CCDC7: variants seen among roughly 807,000 people sequenced by gnomAD.
The protein encoded by CCDC7 is coiled-coil domain containing 7.
A neutral mutation model predicts 196.9 loss-of-function variants in CCDC7; 183 were observed. The observed-to-expected ratio is 0.93, with a 90% CI of 0.82 to 1.05. CCDC7 has a LOEUF of 1.05. Ranked by LOEUF, CCDC7 falls within the 50% of genes least tolerant of loss-of-function variation. The pLI is 0.00. For synonymous variants in CCDC7, 525 were observed against 484.6 expected, an observed-to-expected ratio of 1.08 and a Z score of -1.10; for missense variants, 1,540 against 1,482.2, an observed-to-expected ratio of 1.04 and a Z score of -0.64.
At chr10:32,469,305 C>T (rs1395379499) in intron 5 of CCDC7, among the ~76,000 whole-genome samples, 1 of 152,168 alleles carries the variant, frequency 6.6e-6, no homozygotes, top group African/African-American at 2.4e-5. Flanking sequence ...CTAATGAATA[C>T]AGGAGTAGAA....
chr10:32,665,706 T>C (rs2072519848), intron 21 of CCDC7, among the ~76,000 whole-genome samples: 1 of 152,098 alleles, frequency 6.6e-6, no homozygotes, highest in Admixed American at 6.6e-5. Context: ...TCAGCGTCTT[T>C]TATGGTTACA....
intron 41 of CCDC7, among the ~76,000 whole-genome samples, chr10:32,871,044 G>A (rs966352762): frequency 3.3e-5 from 5 of 152,126 alleles, no homozygotes; most frequent in African/African-American, 9.7e-5. Flanking sequence ...AGGGATATTG[G>A]TCTAAAATTC....
chr10:32,545,771 T>C (rs1486882346), intron 13 of CCDC7, among the ~76,000 whole-genome samples: 2 of 151,856 alleles, frequency 1.3e-5, no homozygotes, highest in Admixed American at 6.6e-5. Context: ...CTGGGCATGG[T>C]GGCACGTGCC....
intron 19 of CCDC7, 144 bp from the exon 21 acceptor site, chr10:32,634,913 T>A (rs1564899635): frequency 2.6e-6 from 1 of 391,806 alleles, no homozygotes; most frequent in Non-Finnish European, 4.5e-6. Flanking sequence ...AATTTTCTGC[T>A]TCGCATCCAC....
chr10:32,482,213 A>G (rs1252639970), intron 8 of CCDC7, among the ~76,000 whole-genome samples: 1 of 151,814 alleles, frequency 6.6e-6, no homozygotes, highest in Non-Finnish European at 1.5e-5. Context: ...TTAAATTTTT[A>G]CATATTTAGA....
chr10:32,557,442 A>G (rs2054552894), intron 13 of CCDC7, among the ~76,000 whole-genome samples: 1 of 151,836 alleles, frequency 6.6e-6, no homozygotes, highest in Non-Finnish European at 1.5e-5. Flanking sequence ...TTTGTCTACC[A>G]CTTCCTCTCT....
intron 28 of CCDC7, among the ~76,000 whole-genome samples, chr10:32,762,591 A>G (rs2077625953): frequency 6.6e-6 from 1 of 151,692 alleles, no homozygotes. Flanking sequence ...ATTGTATTAC[A>G]AAGTGATTTT....
chr10:32,739,709 C>T (rs2085486495), intron 28 of CCDC7, among the ~76,000 whole-genome samples: 1 of 151,036 alleles, frequency 6.6e-6, no homozygotes, highest in Admixed American at 6.6e-5. Flanking sequence ...TTGTTGAAAT[C>T]TAGACATAAT....
At chr10:32,859,589 A>T (rs946314457) in intron 41 of CCDC7, among the ~76,000 whole-genome samples, 1 of 152,202 alleles carries the variant, frequency 6.6e-6, no homozygotes. Flanking sequence ...TGAAGGAGAG[A>T]CACAAAAAAC....
At chr10:32,730,449 C>CA (rs1379847461) in intron 28 of CCDC7, among the ~76,000 whole-genome samples, 2 of 150,442 alleles carry the variant, frequency 1.3e-5, no homozygotes, top group South Asian at 4.3e-4. Context: ...TATTTGGTAC[C>CA]AAAAATTTTA....
intron 9 of CCDC7, among the ~76,000 whole-genome samples, chr10:32,504,574 G>C (rs796728445): frequency 1.3e-4 from 20 of 152,106 alleles, no homozygotes; most frequent in African/African-American, 4.8e-4. Flanking sequence ...AACTGCTTTT[G>C]CTGCATTTCA....
At chr10:32,446,955 C>CCTCT, upstream of CCDC7, among the ~76,000 whole-genome samples, 1 of 141,320 alleles carries the variant, frequency 7.1e-6, no homozygotes, top group Non-Finnish European at 1.6e-5. Context: ...TCCTCCCTCC[C>CCTCT]TCCCTCCCTC....
At chr10:32,483,938 C>CA (rs2040480367) in intron 8 of CCDC7, among the ~76,000 whole-genome samples, 1 of 152,150 alleles carries the variant, frequency 6.6e-6, no homozygotes, top group South Asian at 2.1e-4. Flanking sequence ...GTGATGCCTC[C>CA]AGCTTTGTTC....
intron 13 of CCDC7, among the ~76,000 whole-genome samples, chr10:32,548,813 T>C (rs2052957400): frequency 6.6e-6 from 1 of 152,248 alleles, no homozygotes; most frequent in Admixed American, 6.5e-5. Flanking sequence ...ACTTGTTGAT[T>C]GATGGGCATT....
At chr10:32,651,557 G>C (rs1012840714) in intron 20 of CCDC7, among the ~76,000 whole-genome samples, 1 of 152,154 alleles carries the variant, frequency 6.6e-6, no homozygotes, top group African/African-American at 2.4e-5. Context: ...GAATAAACTG[G>C]AGAGCGGTTT....
At chr10:32,771,681 G>A (rs1254354045) in intron 28 of CCDC7, among the ~76,000 whole-genome samples, 1 of 152,108 alleles carries the variant, frequency 6.6e-6, no homozygotes, top group Non-Finnish European at 1.5e-5. Flanking sequence ...TAATGGGGGT[G>A]GCAGGAGAGT....
At chr10:32,691,254 A>G (rs2141252673) in intron 23 of CCDC7, among the ~76,000 whole-genome samples, 1 of 152,280 alleles carries the variant, frequency 6.6e-6, no homozygotes, top group African/African-American at 2.4e-5. Context: ...TCATGGGGTC[A>G]TCGCATTCTG....
chr10:32,770,108 A>G (rs2484723), intron 28 of CCDC7, among the ~76,000 whole-genome samples: 52,144 of 151,946 alleles, frequency 0.34, 11,339 homozygotes, highest in Non-Finnish European at 0.49. Flanking sequence ...TTTAAGTCTC[A>G]TTTTCATTTA....
intron 21 of CCDC7, among the ~76,000 whole-genome samples, chr10:32,665,812 A>C (rs1316711853): frequency 6.6e-6 from 1 of 152,068 alleles, no homozygotes; most frequent in Admixed American, 6.6e-5. Context: ...TAACAATATT[A>C]ATTCTTCCAA....
Sources: allele counts gnomAD v4.1 joint callset (sites outside exome capture counted in the v4.1 genomes callset), GRCh38; gene constraint gnomAD v4.1.1; transcripts MANE v1.5; gene names NCBI Gene and HGNC (gene_info 2026-07-23, HGNC 2026-07-21).